The following ANO3 variants were observed in gnomAD, a reference collection of about 807,000 sequenced individuals.
ANO3 encodes anoctamin 3, also known as anoctamin-3.
In ANO3, 99 loss-of-function variants were observed where a neutral mutation model predicts 144.8. The observed-to-expected ratio is 0.68, with a 90% CI of 0.58 to 0.81. The LOEUF (loss-of-function observed/expected upper bound fraction) is 0.81, where lower values mean the gene tolerates loss of function less well. Among genes scored for constraint, ANO3 ranks in the 30% least tolerant of loss-of-function variants. The probability of loss-of-function intolerance (pLI) is 0.00; values close to 1 mark genes in which losing one functional copy is unlikely to be tolerated. For synonymous variants in ANO3, 414 were observed against 392.6 expected, an observed-to-expected ratio of 1.05 and a Z score of -0.64; for missense variants, 905 against 1,202.2, an observed-to-expected ratio of 0.75 and a Z score of 3.66.
chr11:26,543,145 A>G (rs1296578703), intron 11 of ANO3, among the ~76,000 whole-genome samples: 1 of 152,100 alleles, frequency 6.6e-6, no homozygotes, highest in Non-Finnish European at 1.5e-5. Flanking sequence ...AACCTGTCAA[A>G]ATCTATACCA....
chr11:26,548,108 G>A (rs2703411), intron 12 of ANO3, among the ~76,000 whole-genome samples: 108,058 of 151,722 alleles, frequency 0.71, 38,785 homozygotes, highest in East Asian at 0.84. Flanking sequence ...GTGACAAAAC[G>A]TAACATACTT....
At chr11:26,363,867 T>C (rs1179643472) in intron 1 of ANO3, among the ~76,000 whole-genome samples, 1 of 151,762 alleles carries the variant, frequency 6.6e-6, no homozygotes, top group Admixed American at 6.6e-5. Flanking sequence ...ACCTAACTCA[T>C]ATAGCAAAAT....
chr11:26,327,356 G>A (rs1193870142), upstream of ANO3, among the ~76,000 whole-genome samples: 1 of 152,160 alleles, frequency 6.6e-6, no homozygotes, highest in African/African-American at 2.4e-5. Context: ...ATTAAGTGAT[G>A]TTATTCATGC....
At chr11:26,550,781 G>A (rs1013355141) in intron 12 of ANO3, among the ~76,000 whole-genome samples, 1 of 151,916 alleles carries the variant, frequency 6.6e-6, no homozygotes, top group East Asian at 1.9e-4. Context: ...TTTTGGATAT[G>A]TATCCAGAAG....
At chr11:26,548,591 TGTATAA>T (rs146015144) in intron 12 of ANO3, among the ~76,000 whole-genome samples, 15,233 of 151,922 alleles carry the variant, frequency 0.1, 953 homozygotes, top group African/African-American at 0.16. Flanking sequence ...TGTATATGTA[TGTATAA>T]GTATAACAAT....
chr11:26,455,832 G>T (rs1859132375), intron 3 of ANO3, among the ~76,000 whole-genome samples: 1 of 150,754 alleles, frequency 6.6e-6, no homozygotes, highest in Admixed American at 6.7e-5. Context: ...TATGCTACAA[G>T]GCTACAGTAA....
chr11:26,267,137 A>T (rs568155361), intron 1 of ANO3, among the ~76,000 whole-genome samples: 1 of 151,944 alleles, frequency 6.6e-6, no homozygotes, highest in African/African-American at 2.4e-5. Flanking sequence ...ACTTTTGTAT[A>T]TAAAGTCAAA....
chr11:26,525,857 CT>C (rs1353183625), intron 7 of ANO3, among the ~76,000 whole-genome samples, 178 bp downstream of exon 7: 3 of 152,040 alleles, frequency 2.0e-5, no homozygotes, highest in Non-Finnish European at 4.4e-5. Context: ...ATCTGATAAT[CT>C]TTTTGTTACA....
At chr11:26,343,424 T>A (rs1855414951) in intron 1 of ANO3, among the ~76,000 whole-genome samples, 1 of 152,238 alleles carries the variant, frequency 6.6e-6, no homozygotes, top group African/African-American at 2.4e-5. Context: ...ATGGGAATGC[T>A]GGATCACATG....
At chr11:26,487,140 C>T (rs1271397145) in intron 4 of ANO3, among the ~76,000 whole-genome samples, 3 of 152,186 alleles carry the variant, frequency 2.0e-5, no homozygotes, top group African/African-American at 7.2e-5. Flanking sequence ...CAAATCCCAA[C>T]TTGAACTGTG....
At chr11:26,576,578 CT>C in intron 14 of ANO3, among the ~76,000 whole-genome samples, 1 of 152,236 alleles carries the variant, frequency 6.6e-6, no homozygotes, top group Non-Finnish European at 1.5e-5. Flanking sequence ...GAATTTTTCC[CT>C]GCCAGAGAGG....
At chr11:26,295,817 A>G (rs142630253) in intron 1 of ANO3, among the ~76,000 whole-genome samples, 2 of 152,246 alleles carry the variant, frequency 1.3e-5, no homozygotes, top group Non-Finnish European at 2.9e-5. Flanking sequence ...TAACAGTTTG[A>G]GCCAAATTCC....
At chr11:26,656,590 TAG>T in intron 26 of ANO3, 109 bp downstream of exon 26, 1 of 719,854 alleles carries the variant, frequency 1.4e-6, no homozygotes, top group South Asian at 1.7e-5. Flanking sequence ...AACACTTAAG[TAG>T]GTCCCGTAAA....
rs145583088 is a variant in ANO3 at position 26,659,079 on chromosome 11, T to TACACAC, written c.2764-1167_2764-1162dup. ...ACTATGACAAGCAATCCTTGAGCCA[T>TACACAC]ACACACACACACACACACACATATA... On this transcript the variant is annotated intron_variant, in intron 26 of 26. Transcript: ENST00000256737. Among the ~76,000 whole-genome samples the TACACAC allele has an allele frequency of 7.6e-4, 112 of 147,700 alleles. 1 individual carries two copies. Among genetic ancestry groups the TACACAC allele is most frequent in the Admixed American group, 2.0e-3 (30 of 14,650 alleles).
chr11:26,202,238 TA>T (rs1361664308), intron 1 of ANO3, among the ~76,000 whole-genome samples: 1 of 146,070 alleles, frequency 6.8e-6, no homozygotes, highest in Middle Eastern at 3.3e-3. Flanking sequence ...TTTATATATA[TA>T]AATATATATT....
At chr11:26,464,238 C>A (rs181168392) in intron 4 of ANO3, among the ~76,000 whole-genome samples, 107 of 151,762 alleles carry the variant, frequency 7.1e-4, no homozygotes, top group Non-Finnish European at 1.0e-3. Flanking sequence ...TAAATTGCAT[C>A]AGTATTATGG....
rs1234379199 is a variant in ANO3, at chr11:26,629,705, C to CA, written c.1874-4498dup. Among the ~76,000 whole-genome samples the CA allele has an allele frequency of 6.6e-5, 10 of 152,092 alleles. 1 individual carries two copies. Among genetic ancestry groups the CA allele is most frequent in the Admixed American group, 6.5e-4 (10 of 15,268 alleles). Reference sequence around the variant, plus strand: ...GGAAGGCAATGGTGCAATCTCGACTCACCGCAACCTCCGCCTCTCAGGTTC... The same window carrying CA: ...GGAAGGCAATGGTGCAATCTCGACTCAACCGCAACCTCCGCCTCTCAGGTTC... On this transcript the variant is annotated intron_variant, in intron 18 of 26. Transcript: ENST00000256737.
At chr11:26,458,718 A>G (rs1387880157) in intron 3 of ANO3, among the ~76,000 whole-genome samples, 1 of 152,140 alleles carries the variant, frequency 6.6e-6, no homozygotes, top group Non-Finnish European at 1.5e-5. Context: ...AGAGATTACA[A>G]TGCAATTAAC....
intron 17 of ANO3, among the ~76,000 whole-genome samples, chr11:26,622,987 A>G (rs868206010): frequency 2.6e-5 from 4 of 152,192 alleles, no homozygotes; most frequent in Admixed American, 6.5e-5. Flanking sequence ...AGACCCTGCT[A>G]TGATTATCTC....
Sources: gnomAD v4.1 joint callset for allele counts (sites outside exome capture counted in the v4.1 genomes callset) on GRCh38, gnomAD v4.1.1 for gene constraint, MANE v1.5 for transcripts, NCBI Gene and HGNC (gene_info 2026-07-23, HGNC 2026-07-21) for gene names.